The following MRPS5 variants were observed in gnomAD, a reference collection of about 807,000 sequenced individuals.
MRPS5 encodes the protein mitochondrial ribosomal protein S5.
MRPS5 carries 27 observed loss-of-function variants against 51.9 expected under a neutral mutation model. The ratio of observed to expected loss-of-function variants is 0.52; its 90% CI spans 0.38 to 0.72. The LOEUF (loss-of-function observed/expected upper bound fraction) is 0.72, where lower values mean the gene tolerates loss of function less well. Among genes scored for constraint, MRPS5 ranks in the 30% least tolerant of loss-of-function variants. MRPS5 has a pLI of 0.00. For missense variants in MRPS5, 570 were observed against 545.7 expected (o/e 1.04, Z -0.44); for synonymous variants, 196 against 193.2 (o/e 1.01, Z -0.12).
intron 1 of MRPS5, among the ~76,000 whole-genome samples, chr2:95,120,209 T>C (rs1401438813): frequency 6.6e-6 from 1 of 152,204 alleles, no homozygotes; most frequent in Non-Finnish European, 1.5e-5. Flanking sequence ...ACAACCCAAA[T>C]GTTCAACTGA....
intron 3 of MRPS5, among the ~76,000 whole-genome samples, chr2:95,110,670 C>A (rs1676092650): frequency 6.6e-6 from 1 of 152,120 alleles, no homozygotes; most frequent in Non-Finnish European, 1.5e-5. Context: ...GGTGTGATGG[C>A]ATGTGCCCAT....
chr2:95,100,529 A>G lies in MRPS5; in HGVS notation c.876T>C (p.His292=). The change falls in exon 10 of 12, where the codon CAT becomes CAC. Residue 292 remains histidine (H), a synonymous_variant. Transcript: ENST00000272418. ...IERYEDHTIF[H]DISLRFKRTH... ...TCCTTTTAAATCTTAATGAAATATC[A>G]TGGAATACTGGAGGGTAAAAACATA... The G allele has an allele frequency of 1.2e-6, 2 of 1,605,606 alleles. No individual in the cohort carries two copies. Among genetic ancestry groups the G allele is most frequent in the African/African-American group, 2.7e-5 (2 of 74,852 alleles).
intron 11 of MRPS5, among the ~76,000 whole-genome samples, chr2:95,088,146 T>A (rs914762424): frequency 4.6e-5 from 7 of 152,216 alleles, no homozygotes; most frequent in South Asian, 2.1e-4. Context: ...AAATTTTTTT[T>A]AATCTAACAA....
intron 10 of MRPS5, among the ~76,000 whole-genome samples, chr2:95,100,169 T>C (rs1675754048): frequency 6.6e-6 from 1 of 152,210 alleles, no homozygotes; most frequent in Non-Finnish European, 1.5e-5. Flanking sequence ...ATGAATTCCC[T>C]ATGAGGAACT....
rs1438190570 is a variant in MRPS5, at chr2:95,121,779, C to G, written c.13G>C (p.Val5Leu). 2 of 1,551,470 alleles carry G rather than the reference C, an allele frequency of 1.3e-6. No individual in the cohort carries two copies. The highest frequency in any genetic ancestry group is 1.4e-5 in the African/African-American group (1 of 71,746). MATA[V>L]RAVGCLPVLC... is the part of the protein sequence containing the mutation. Reference sequence around the variant, plus strand: ...ACGGGGAGGCAGCCCACAGCGCGCACCGCGGTCGCCATGCTGGAGTCCGAG... The same window carrying G: ...ACGGGGAGGCAGCCCACAGCGCGCAGCGCGGTCGCCATGCTGGAGTCCGAG... Residue 5 changes from valine to leucine, a missense_variant, in exon 1 of 12, where the codon GTG becomes CTG. By Grantham distance (32) the Val-to-Leu change is conservative. Coordinates refer to ENST00000272418, the MANE Select transcript of MRPS5 (RefSeq NM_031902.5).
chr2:95,116,816 G>A (rs1676296915), intron 2 of MRPS5, among the ~76,000 whole-genome samples: 1 of 152,200 alleles, frequency 6.6e-6, no homozygotes, highest in African/African-American at 2.4e-5. Context: ...GGCCAACGTG[G>A]TGAAACCCCG....
At chr2:95,100,057 A>C (rs1006974255) in intron 10 of MRPS5, among the ~76,000 whole-genome samples, 37 of 152,258 alleles carry the variant, frequency 2.4e-4, no homozygotes, top group African/African-American at 8.9e-4. Flanking sequence ...CATCATCCCT[A>C]GTGCTTAGCA....
chr2:95,112,772 A>G (rs1203837733), intron 3 of MRPS5, among the ~76,000 whole-genome samples: 1 of 152,144 alleles, frequency 6.6e-6, no homozygotes, highest in East Asian at 1.9e-4. Flanking sequence ...TGGGAGGCTG[A>G]GACAGGCGGA....
At chr2:95,106,278 A>C (rs1243062021) in intron 6 of MRPS5, 145 bp downstream of exon 6, 5 of 713,498 alleles carry the variant, frequency 7.0e-6, no homozygotes, top group Non-Finnish European at 7.4e-6. Flanking sequence ...TTAAAGTTGC[A>C]CAATTTTCCT....
intron 10 of MRPS5, among the ~76,000 whole-genome samples, chr2:95,099,875 T>C (rs1347554021): frequency 6.6e-6 from 1 of 152,258 alleles, no homozygotes; most frequent in African/African-American, 2.4e-5. Context: ...TTGAGACTTA[T>C]ATACCAAAAG....
chr2:95,110,952 C>A (rs1676100310), intron 3 of MRPS5, among the ~76,000 whole-genome samples: 1 of 152,138 alleles, frequency 6.6e-6, no homozygotes, highest in Admixed American at 6.5e-5. Context: ...CTTATGAATG[C>A]TTAGAGTTTA....
chr2:95,101,875 TG>T, intron 7 of MRPS5, 152 bp from the exon 8 acceptor site: 2 of 598,866 alleles, frequency 3.3e-6, no homozygotes, highest in Non-Finnish European at 5.9e-6. Flanking sequence ...ATTAATAGGC[TG>T]GGTGTAATGA....
intron 3 of MRPS5, among the ~76,000 whole-genome samples, chr2:95,114,320 C>G (rs898535198): frequency 1.3e-3 from 200 of 150,866 alleles, no homozygotes; most frequent in Non-Finnish European, 2.2e-3. Flanking sequence ...TGCAGTGGCA[C>G]GATCTCAGCT....
intron 8 of MRPS5, among the ~76,000 whole-genome samples, chr2:95,101,360 G>T (rs1322816595): frequency 2.0e-5 from 3 of 151,276 alleles, no homozygotes; most frequent in Admixed American, 1.3e-4. Flanking sequence ...CTCCAGCCTG[G>T]GTGACAAGAG....
chr2:95,114,968 A>C (rs1676242354), intron 3 of MRPS5, 98 bp downstream of exon 3: 1 of 1,109,598 alleles, frequency 9.0e-7, no homozygotes, highest in Admixed American at 3.0e-5. Flanking sequence ...TAAACTAATC[A>C]CTAAAATCTT....
chr2:95,102,790 T>C (rs1675841195), intron 7 of MRPS5, among the ~76,000 whole-genome samples: 1 of 152,240 alleles, frequency 6.6e-6, no homozygotes, highest in Non-Finnish European at 1.5e-5. Context: ...AATGACTCTT[T>C]AGTTTATGAA....
intron 4 of MRPS5, among the ~76,000 whole-genome samples, chr2:95,108,849 G>A (rs1676031883): frequency 6.6e-6 from 1 of 152,016 alleles, no homozygotes; most frequent in Admixed American, 6.5e-5. Flanking sequence ...AAGACAGCAT[G>A]TACCATGTGA....
intron 11 of MRPS5, among the ~76,000 whole-genome samples, chr2:95,089,952 C>T (rs1302618205): frequency 2.6e-5 from 4 of 151,626 alleles, no homozygotes; most frequent in East Asian, 3.9e-4. Flanking sequence ...CCGAGGCGGG[C>T]GGATCACGAG....
At chr2:95,112,661 G>T (rs1676156250) in intron 3 of MRPS5, among the ~76,000 whole-genome samples, 1 of 152,106 alleles carries the variant, frequency 6.6e-6, no homozygotes, top group African/African-American at 2.4e-5. Flanking sequence ...CAACTGAGTT[G>T]GCCCAATTGG....
Sources: allele counts gnomAD v4.1 joint callset (sites outside exome capture counted in the v4.1 genomes callset), GRCh38; gene constraint gnomAD v4.1.1; transcripts MANE v1.5; gene names NCBI Gene and HGNC (gene_info 2026-07-23, HGNC 2026-07-21).